The following ATP9A variants were observed in gnomAD, a reference collection of about 807,000 sequenced individuals.
ATP9A encodes the protein ATPase phospholipid transporting 9A.
A neutral mutation model predicts 144.1 loss-of-function variants in ATP9A; 52 were observed. The observed-to-expected ratio is 0.36, with a 90% CI of 0.29 to 0.45. The LOEUF is 0.45. Ranked by LOEUF, ATP9A falls within the 20% of genes least tolerant of loss-of-function variation. The pLI, the probability that ATP9A is intolerant of heterozygous loss-of-function variation, is 1.00. For synonymous variants in ATP9A, 582 were observed against 557.4 expected, an observed-to-expected ratio of 1.04 and a Z score of -0.62; for missense variants, 947 against 1,392.7, an observed-to-expected ratio of 0.68 and a Z score of 5.09.
intron 10 of ATP9A, among the ~76,000 whole-genome samples, chr20:51,675,064 G>A (rs954422323): frequency 2.6e-5 from 4 of 151,978 alleles, no homozygotes; most frequent in Non-Finnish European, 5.9e-5. Flanking sequence ...CACCTGCCTC[G>A]GCCTCCCAAA....
intron 1 of ATP9A, among the ~76,000 whole-genome samples, chr20:51,760,386 T>C (rs6013273): frequency 0.097 from 14,714 of 151,982 alleles, 1,822 homozygotes; most frequent in African/African-American, 0.29. Context: ...CTAAGAGCAA[T>C]GGTTCCATAT....
At chr20:51,740,472 G>A (rs2077780107) in intron 1 of ATP9A, among the ~76,000 whole-genome samples, 1 of 5,588 alleles carries the variant, frequency 1.8e-4, no homozygotes, top group South Asian at 6.0e-3. Flanking sequence ...CACTTTGGGA[G>A]GTCAAGGCGG....
At position 51,651,306 on chromosome 20, in the gene ATP9A, CATAATATATTATATAAT is replaced by C. The variant is rs2077364721; in HGVS notation, c.1506+5615_1506+5631del. 3.3e-5 allele frequency among the ~76,000 whole-genome samples: 4 copies of C among 120,324 alleles called. 1 individual carries two copies. Among genetic ancestry groups the C allele is most frequent in the Non-Finnish European group, 5.1e-5 (3 of 58,786 alleles). The allele number at this position is 120,324 out of a possible 152,430, so 78.9% of individuals were successfully genotyped here. ...TAATATATTATATAATATATATTTA[CATAATATATTATATAAT>C]ATATATTTACATAATATATTATATA... On this transcript the variant is annotated intron_variant, in intron 14 of 27. Coordinates refer to ENST00000338821, the MANE Select transcript of ATP9A (RefSeq NM_006045.3).
intron 1 of ATP9A, among the ~76,000 whole-genome samples, chr20:51,751,205 C>T (rs924374670): frequency 6.6e-6 from 1 of 151,460 alleles, no homozygotes; most frequent in Non-Finnish European, 1.5e-5. Flanking sequence ...CTTATACCCC[C>T]AATGAATTAG....
intron 3 of ATP9A, among the ~76,000 whole-genome samples, chr20:51,716,288 A>G (rs887851988): frequency 2.6e-5 from 4 of 152,134 alleles, no homozygotes; most frequent in African/African-American, 9.7e-5. Flanking sequence ...ATTAGTACCA[A>G]GAAAAAATTA....
intron 25 of ATP9A, 23 bp downstream of exon 25, chr20:51,608,495 A>T: frequency 7.0e-7 from 1 of 1,437,280 alleles, no homozygotes; most frequent in Non-Finnish European, 9.8e-7. Flanking sequence ...AGGAGGAAGG[A>T]GGGACTGAAA....
chr20:51,737,913 T>C (rs1250823497), intron 1 of ATP9A, among the ~76,000 whole-genome samples: 1 of 152,064 alleles, frequency 6.6e-6, no homozygotes, highest in East Asian at 1.9e-4. Flanking sequence ...TATGCTATAC[T>C]CTATATCCTA....
chr20:51,766,655 G>GATGGTGAA (rs1331726357), intron 1 of ATP9A, among the ~76,000 whole-genome samples: 6 of 152,024 alleles, frequency 3.9e-5, no homozygotes, highest in African/African-American at 1.2e-4. Context: ...GCCTGGCCAA[G>GATGGTGAA]ATGGTGAAAC....
intron 22 of ATP9A, among the ~76,000 whole-genome samples, chr20:51,614,036 G>A (rs1195722209): frequency 2.0e-5 from 3 of 152,174 alleles, no homozygotes; most frequent in Admixed American, 6.5e-5. Flanking sequence ...AAACCATTCC[G>A]AATCACATAT....
chr20:51,637,100 A>G (rs894787027), intron 15 of ATP9A, among the ~76,000 whole-genome samples: 1 of 152,036 alleles, frequency 6.6e-6, no homozygotes, highest in African/African-American at 2.4e-5. Flanking sequence ...CAAAAAATAA[A>G]TAAATGTTAC....
chr20:51,688,337 A>T (rs2077532455), intron 9 of ATP9A, among the ~76,000 whole-genome samples: 1 of 152,192 alleles, frequency 6.6e-6, no homozygotes, highest in Admixed American at 6.5e-5. Flanking sequence ...TCACATCTGT[A>T]ATCCCAGCAC....
In ATP9A at chr20:51,768,319, G is replaced by A; in HGVS notation, c.51C>T (p.Asp17=). The A allele has an allele frequency of 1.5e-6, 2 of 1,315,002 alleles. No homozygotes were observed. Among genetic ancestry groups the A allele is most frequent in the Non-Finnish European group, 9.8e-7 (1 of 1,021,846 alleles). 81.5% of individuals were successfully genotyped at this position (1,315,002 alleles called of 1,614,324 possible). The part of the protein sequence containing the change: ...LQPVRQKKRM[D]SRPRAGCCEW... ...CCACTCACCCGGCGCGGGGCCTGCT[G>A]TCCATCCGCTTCTTCTGGCGCACCG... The change falls in exon 1 of 28, where the codon GAC becomes GAT. Residue 17 remains aspartate, a synonymous_variant. Coordinates refer to ENST00000338821, the MANE Select transcript of ATP9A (RefSeq NM_006045.3).
intron 1 of ATP9A, among the ~76,000 whole-genome samples, chr20:51,746,326 A>T (rs2077807955): frequency 6.6e-6 from 1 of 152,204 alleles, no homozygotes; most frequent in East Asian, 1.9e-4. Flanking sequence ...AGTTTTTAAA[A>T]TTTTTTATTT....
rs756196040 is a variant in ATP9A at position 51,657,116 on chromosome 20, G to A, written c.1328C>T (p.Thr443Met). The A allele has an allele frequency of 7.0e-5, 113 of 1,614,034 alleles. No individual in the cohort carries two copies. The highest frequency in any genetic ancestry group is 2.1e-4 in the African/African-American group (16 of 74,922). The change falls in exon 14 of 28, where the codon ACG (threonine) becomes ATG (methionine). Residue 443 changes from threonine to methionine, a missense_variant. Thr to Met is a moderately conservative substitution (Grantham distance 81, BLOSUM62 -1). Around this residue, in one of 2 missense-constraint regions of ATP9A, gnomAD observed 770 missense variants for 1,047.9 expected, o/e 0.73. Coordinates refer to ENST00000338821, the MANE Select transcript of ATP9A (RefSeq NM_006045.3). The part of the protein sequence containing the change: ...SQDPPAQKGP[T>M]LTTKVRRTMS... ...GGTCCGCCGGACCTTAGTGGTGAGC[G>A]TTGGGCCCTTCTGAGCCGGTGGGTC...
At chr20:51,602,699 T>C (rs1435400793) in intron 27 of ATP9A, among the ~76,000 whole-genome samples, 2 of 152,208 alleles carry the variant, frequency 1.3e-5, no homozygotes, top group African/African-American at 2.4e-5. Flanking sequence ...CTAAGGAGCT[T>C]TGGAAGCTGG....
chr20:51,607,554 T>G lies in ATP9A; in HGVS notation c.2776A>C (p.Ile926Leu). 1 of 1,613,442 alleles carries G rather than the reference T, an allele frequency of 6.2e-7. No homozygotes were observed. Among genetic ancestry groups the G allele is most frequent in the African/African-American group, 1.3e-5 (1 of 75,038 alleles). The change falls in exon 26 of 28, where the codon ATA becomes CTA. Residue 926 changes from isoleucine (I) to leucine (L), a missense_variant. Coordinates refer to ENST00000338821, the MANE Select transcript of ATP9A (RefSeq NM_006045.3). ...TGATAGATGCTAATCAAAACCCATATTAAGAATGTCTTGTAGGACAACGGC... is the reference window on the plus strand; with the variant it reads ...TGATAGATGCTAATCAAAACCCATAGTAAGAATGTCTTGTAGGACAACGGC... Reference protein sequence around the residue: ...GRPLSYKTFLIWVLISIYQGS... With the variant: ...GRPLSYKTFLLWVLISIYQGS...
Position 51,755,531 on chromosome 20 carries a change from T to C in ATP9A, c.68+12771A>G, listed in dbSNP as rs6067920. ...ACAATACCAAGTGTTGATGAGGACA[T>C]GGAACAACTGACCAGCTTGGTGGAA... On this transcript the variant is annotated intron_variant, in intron 1 of 27. Coordinates refer to ENST00000338821, the MANE Select transcript of ATP9A (RefSeq NM_006045.3). 8.1e-3 allele frequency among the ~76,000 whole-genome samples: 1,236 copies of C among 152,282 alleles called. 10 individuals are homozygous for C. The highest frequency in any genetic ancestry group is 0.011 in the Non-Finnish European group (740 of 68,024).
At chr20:51,673,820 C>A (rs1405640754) in intron 11 of ATP9A, among the ~76,000 whole-genome samples, 2 of 152,050 alleles carry the variant, frequency 1.3e-5, no homozygotes, top group East Asian at 3.9e-4. Flanking sequence ...GAGGCTGAGT[C>A]AGGTAGATCA....
Position 51,601,111 on chromosome 20 carries a change from T to C in ATP9A, c.*100A>G. ...CCATTAAAACTGCATGTGTTAGCAA[T>C]TACTGCAAAATCCACAGGTGGCGGT... On this transcript the variant is annotated 3_prime_UTR_variant, in exon 28 of 28. Coordinates refer to ENST00000338821, the MANE Select transcript of ATP9A (RefSeq NM_006045.3). 2 of 1,405,276 alleles carry C rather than the reference T, an allele frequency of 1.4e-6. No homozygotes were observed. Among genetic ancestry groups the C allele is most frequent in the South Asian group, 3.0e-5 (2 of 67,032 alleles). 87.1% of individuals were successfully genotyped at this position (1,405,276 alleles called of 1,614,324 possible). A position where few individuals can be genotyped will look rare whatever the true frequency, so the allele number is the denominator to read the frequency against.
Sources: allele counts gnomAD v4.1 joint callset (sites outside exome capture counted in the v4.1 genomes callset), GRCh38; gene constraint gnomAD v4.1.1; regional missense constraint gnomAD v4.1.1; transcripts MANE v1.5; gene names NCBI Gene and HGNC (gene_info 2026-07-23, HGNC 2026-07-21).